BACH2: variants seen among roughly 807,000 people sequenced by gnomAD.
BACH2 encodes BACH transcriptional regulator 2.
A neutral mutation model predicts 61.8 loss-of-function variants in BACH2; 5 were observed. The observed-to-expected ratio is 0.08, with a 90% CI of 0.04 to 0.17. The LOEUF is 0.17. Ranked by LOEUF, BACH2 falls within the 10% of genes least tolerant of loss-of-function variation. The pLI is 1.00. For missense variants in BACH2, 824 were observed against 1,091.1 expected (o/e 0.76, Z 3.45); for synonymous variants, 446 against 440.1 (o/e 1.01, Z -0.17).
At chr6:90,199,825 T>C (rs748403644) in intron 4 of BACH2, among the ~76,000 whole-genome samples, 6 of 152,198 alleles carry the variant, frequency 3.9e-5, no homozygotes, top group Non-Finnish European at 7.3e-5. Context: ...CTTAAAAATG[T>C]AGAAAGTGAG....
intron 5 of BACH2, among the ~76,000 whole-genome samples, chr6:90,056,961 A>G (rs1025777430): frequency 6.6e-6 from 1 of 152,240 alleles, no homozygotes; most frequent in African/African-American, 2.4e-5. Context: ...TCGCTGGGAC[A>G]CATTCAAAGC....
At chr6:90,080,914 T>C in intron 5 of BACH2, 1 of 309,212 alleles carries the variant, frequency 3.2e-6, no homozygotes, top group Non-Finnish European at 4.7e-6. Context: ...TAGTCCACTA[T>C]CGCCAGAACT....
At chr6:90,276,101 AGG>A (rs1349795331) in intron 1 of BACH2, among the ~76,000 whole-genome samples, 1 of 152,214 alleles carries the variant, frequency 6.6e-6, no homozygotes, top group East Asian at 1.9e-4. Context: ...TATAAAGGAG[AGG>A]CTTTCAATAA....
intron 4 of BACH2, among the ~76,000 whole-genome samples, chr6:90,111,105 G>A (rs1047744777): frequency 3.9e-5 from 6 of 152,096 alleles, no homozygotes; most frequent in African/African-American, 1.4e-4. Context: ...AGCAGTGCAC[G>A]TCAATACTGC....
intron 4 of BACH2, among the ~76,000 whole-genome samples, chr6:90,189,601 C>T (rs1192834159): frequency 3.6e-5 from 4 of 112,012 alleles, no homozygotes; most frequent in Middle Eastern, 9.8e-3. Context: ...GGCGACAGAG[C>T]GAGACTCCGT....
intron 4 of BACH2, among the ~76,000 whole-genome samples, chr6:90,181,584 G>C (rs1468920940): frequency 6.6e-6 from 1 of 151,864 alleles, no homozygotes; most frequent in African/African-American, 2.4e-5. Context: ...TATTATTTTA[G>C]AGACAGAGTT....
intron 4 of BACH2, among the ~76,000 whole-genome samples, chr6:90,198,199 C>T (rs1475055184): frequency 6.6e-6 from 1 of 152,202 alleles, no homozygotes; most frequent in Non-Finnish European, 1.5e-5. Flanking sequence ...ACGGCTTGCA[C>T]CTGTGGCTCA....
At chr6:90,147,650 G>A (rs141990008) in intron 4 of BACH2, among the ~76,000 whole-genome samples, 60 of 152,242 alleles carry the variant, frequency 3.9e-4, no homozygotes, top group Middle Eastern at 3.4e-3. Flanking sequence ...CAACCCATGT[G>A]CCAGATAGTC....
intron 4 of BACH2, among the ~76,000 whole-genome samples, chr6:90,164,023 T>G (rs778448648): frequency 6.6e-6 from 1 of 151,728 alleles, no homozygotes; most frequent in South Asian, 2.1e-4. Flanking sequence ...GCAAGAGCAA[T>G]CACATTCAAA....
chr6:89,949,916 G>A (rs532394400), intron 7 of BACH2, among the ~76,000 whole-genome samples: 1 of 152,136 alleles, frequency 6.6e-6, no homozygotes, highest in South Asian at 2.1e-4. Flanking sequence ...TGATGAACAT[G>A]GCATCCTTTC....
intron 4 of BACH2, among the ~76,000 whole-genome samples, chr6:90,174,738 T>C (rs1337125043): frequency 6.6e-6 from 1 of 151,822 alleles, no homozygotes; most frequent in African/African-American, 2.4e-5. Context: ...GCAATGAAAA[T>C]GAATGAACTA....
intron 4 of BACH2, among the ~76,000 whole-genome samples, chr6:90,167,184 T>G (rs575742283): frequency 8.7e-4 from 132 of 152,314 alleles, no homozygotes; most frequent in Non-Finnish European, 9.0e-4. Context: ...ATCATTTGCC[T>G]CTTCCTCACA....
chr6:90,191,985 CT>C (rs1768590374), intron 4 of BACH2, among the ~76,000 whole-genome samples: 4 of 152,190 alleles, frequency 2.6e-5, no homozygotes, highest in African/African-American at 4.8e-5. Flanking sequence ...GTTCAAATGA[CT>C]AGCTTTGCTA....
intron 5 of BACH2, among the ~76,000 whole-genome samples, chr6:90,019,953 A>AAACTT (rs1226834596): frequency 6.6e-6 from 1 of 152,244 alleles, no homozygotes; most frequent in Non-Finnish European, 1.5e-5. Flanking sequence ...TTTTTGGGCT[A>AAACTT]AACTTACTTG....
At chr6:90,004,401 C>T (rs1777296356) in intron 6 of BACH2, among the ~76,000 whole-genome samples, 1 of 152,134 alleles carries the variant, frequency 6.6e-6, no homozygotes. Flanking sequence ...GCCATACTCA[C>T]CCCCAGCCTG....
At chr6:89,988,639 A>C (rs1241220438) in intron 6 of BACH2, among the ~76,000 whole-genome samples, 1 of 152,236 alleles carries the variant, frequency 6.6e-6, no homozygotes, top group East Asian at 1.9e-4. Flanking sequence ...GACGCAAGAC[A>C]ATGAAATAAG....
chr6:90,076,583 G>A (rs1229484201), intron 5 of BACH2, among the ~76,000 whole-genome samples: 1 of 152,124 alleles, frequency 6.6e-6, no homozygotes, highest in Non-Finnish European at 1.5e-5. Context: ...CTTCTGCATG[G>A]TGCCAACAGC....
intron 3 of BACH2, among the ~76,000 whole-genome samples, chr6:90,213,764 T>C (rs571052789): frequency 2.0e-5 from 3 of 152,214 alleles, no homozygotes; most frequent in Non-Finnish European, 4.4e-5. Context: ...CTGCCTTACA[T>C]ACATACAGTA....
chr6:89,936,347 G>A (rs1211988836), intron 8 of BACH2, among the ~76,000 whole-genome samples: 1 of 152,146 alleles, frequency 6.6e-6, no homozygotes, highest in Admixed American at 6.5e-5. Flanking sequence ...TTGCTATATT[G>A]CCCAGGCTAG....
Sources: allele counts gnomAD v4.1 joint callset (sites outside exome capture counted in the v4.1 genomes callset), GRCh38; gene constraint gnomAD v4.1.1; transcripts MANE v1.5; gene names NCBI Gene and HGNC (gene_info 2026-07-23, HGNC 2026-07-21).